ARHGAP44: variants seen among roughly 807,000 people sequenced by gnomAD.
ARHGAP44 encodes the protein rho GTPase-activating protein 44.
A neutral mutation model predicts 106.8 loss-of-function variants in ARHGAP44; 43 were observed. The ratio of observed to expected loss-of-function variants is 0.40; its 90% CI spans 0.32 to 0.52. The LOEUF (loss-of-function observed/expected upper bound fraction) is 0.52, where lower values mean the gene tolerates loss of function less well. Ranked by LOEUF, ARHGAP44 falls within the 20% of genes least tolerant of loss-of-function variation. ARHGAP44 has a pLI of 0.48. For synonymous variants in ARHGAP44, 439 were observed against 410.3 expected, an observed-to-expected ratio of 1.07 and a Z score of -0.85; for missense variants, 866 against 1,050.5, an observed-to-expected ratio of 0.82 and a Z score of 2.43.
At chr17:12,886,692 G>A (rs935489231) in intron 1 of ARHGAP44, among the ~76,000 whole-genome samples, 5 of 151,770 alleles carry the variant, frequency 3.3e-5, no homozygotes, top group Admixed American at 6.6e-5. Context: ...TTTTTTATAG[G>A]TTCCTTGGCA....
At chr17:12,920,129 A>C (rs1412473166) in intron 6 of ARHGAP44, among the ~76,000 whole-genome samples, 1 of 152,164 alleles carries the variant, frequency 6.6e-6, no homozygotes, top group Non-Finnish European at 1.5e-5. Flanking sequence ...GTAACCCAGC[A>C]CTTTGGGAGG....
intron 1 of ARHGAP44, among the ~76,000 whole-genome samples, chr17:12,878,376 G>A (rs961325090): frequency 2.6e-5 from 4 of 152,032 alleles, no homozygotes; most frequent in African/African-American, 9.7e-5. Context: ...ACTCATAAGT[G>A]GAACAGTGCA....
intron 4 of ARHGAP44, among the ~76,000 whole-genome samples, chr17:12,910,260 CT>C (rs71369352): frequency 0.2 from 26,686 of 132,810 alleles, 2,763 homozygotes; most frequent in East Asian, 0.41. Context: ...GGGGAGGAAA[CT>C]TTTTTTTTTT....
At position 12,789,820 on chromosome 17, in the gene ARHGAP44, G is replaced by T; in HGVS notation, c.-19G>T. The T allele has an allele frequency of 1.3e-6, 2 of 1,501,982 alleles. No individual in the cohort carries two copies. Among genetic ancestry groups the T allele is most frequent in the Non-Finnish European group, 1.8e-6 (2 of 1,126,974 alleles). The allele number at this position is 1,501,982 out of a possible 1,614,324, so 93.0% of individuals were successfully genotyped here. ...CCGTCCTTCCCCAGCTCCCGGGCTA[G>T]CGCGGCAGCGGGGCCACGATGAAGA... On this transcript the variant is annotated 5_prime_UTR_variant, in exon 1 of 21. Coordinates refer to ENST00000379672, the MANE Select transcript of ARHGAP44 (RefSeq NM_014859.6).
At chr17:12,904,005 A>T (rs931173233) in intron 3 of ARHGAP44, among the ~76,000 whole-genome samples, 10 of 152,188 alleles carry the variant, frequency 6.6e-5, no homozygotes, top group African/African-American at 2.2e-4. Context: ...GTTACAGTCC[A>T]TTAACTTCTT....
chr17:12,838,870 G>GTA (rs1028090568), intron 1 of ARHGAP44, among the ~76,000 whole-genome samples: 58 of 151,198 alleles, frequency 3.8e-4, no homozygotes, highest in Non-Finnish European at 6.0e-4. Flanking sequence ...GTATATATAT[G>GTA]TATATATATA....
Position 12,849,568 on chromosome 17 carries a change from C to CTTT in ARHGAP44, c.54-45348_54-45346dup, listed in dbSNP as rs776346185. On this transcript the variant is annotated intron_variant, in intron 1 of 20. Transcript: ENST00000379672. Reference sequence around the variant, plus strand: ...CTAGTCTTTCCTTCCTACTTTTGTCCTTTTTTTTTTTTTTTTTTTTTTTTT... The same window carrying CTTT: ...CTAGTCTTTCCTTCCTACTTTTGTCCTTTTTTTTTTTTTTTTTTTTTTTTTTTT... Among the ~76,000 whole-genome samples the CTTT allele has an allele frequency of 8.9e-3, 621 of 69,902 alleles. 88 individuals carry two copies. The highest frequency in any genetic ancestry group is 0.046 in the African/African-American group (518 of 11,274). The allele number at this position is 69,902 out of a possible 152,430, so 45.9% of individuals were successfully genotyped here. A position where few individuals can be genotyped will look rare whatever the true frequency, so the allele number is the denominator to read the frequency against.
intron 1 of ARHGAP44, among the ~76,000 whole-genome samples, chr17:12,816,531 C>G (rs1680989770): frequency 6.6e-6 from 1 of 152,040 alleles, no homozygotes; most frequent in Non-Finnish European, 1.5e-5. Context: ...TTTATGTAAA[C>G]TAAAAAATTA....
chr17:12,867,469 G>A (rs1014617851), intron 1 of ARHGAP44, among the ~76,000 whole-genome samples: 5 of 152,090 alleles, frequency 3.3e-5, no homozygotes, highest in South Asian at 2.1e-4. Context: ...TACAGGAAGC[G>A]GGGCAGGCTT....
chr17:12,895,006 C>G (rs182594602), intron 2 of ARHGAP44, 27 bp downstream of exon 2: 1 of 1,570,712 alleles, frequency 6.4e-7, no homozygotes, highest in Admixed American at 1.9e-5. Context: ...CACTGGCTCA[C>G]AGATACCAGA....
At chr17:12,863,522 T>G (rs947955945) in intron 1 of ARHGAP44, among the ~76,000 whole-genome samples, 6 of 152,188 alleles carry the variant, frequency 3.9e-5, no homozygotes, top group Non-Finnish European at 8.8e-5. Flanking sequence ...GCCAATTTCC[T>G]CCCATTTTAC....
chr17:12,811,677 G>A (rs1464032471), intron 1 of ARHGAP44, among the ~76,000 whole-genome samples: 1 of 152,132 alleles, frequency 6.6e-6, no homozygotes, highest in Admixed American at 6.5e-5. Flanking sequence ...GGTAATTAGT[G>A]TCAGCATTGA....
chr17:12,870,942 G>A (rs1245642633), intron 1 of ARHGAP44, among the ~76,000 whole-genome samples: 2 of 151,864 alleles, frequency 1.3e-5, no homozygotes, highest in Non-Finnish European at 2.9e-5. Flanking sequence ...TCTACTTTTG[G>A]CTTTGGTCAA....
intron 7 of ARHGAP44, among the ~76,000 whole-genome samples, chr17:12,940,721 T>C (rs950321101): frequency 8.5e-5 from 13 of 152,208 alleles, no homozygotes; most frequent in Non-Finnish European, 1.8e-4. Context: ...CAATGTGTGC[T>C]TGGAGCTTGC....
At chr17:12,859,113 C>G (rs1390522636) in intron 1 of ARHGAP44, among the ~76,000 whole-genome samples, 1 of 152,142 alleles carries the variant, frequency 6.6e-6, no homozygotes, top group Non-Finnish European at 1.5e-5. Context: ...TCCAATATGA[C>G]TGTGGATCCT....
At chr17:12,943,918 C>T in intron 9 of ARHGAP44, 151 bp from the exon 10 acceptor site, 1 of 1,206,044 alleles carries the variant, frequency 8.3e-7, no homozygotes, top group Non-Finnish European at 1.1e-6. Context: ...TCCAGTCCTC[C>T]TGTCATCCTT....
Position 12,850,471 on chromosome 17 carries a change from G to A in ARHGAP44, c.54-44469G>A, listed in dbSNP as rs79117037. On this transcript the variant is annotated intron_variant, in intron 1 of 20. Coordinates refer to ENST00000379672, the MANE Select transcript of ARHGAP44 (RefSeq NM_014859.6). Reference sequence around the variant, plus strand: ...TGGGTGCAGTGACCAAGACTGGGTAGTCCCTGAGCCCACATGTCCATGGGC... The same window carrying A: ...TGGGTGCAGTGACCAAGACTGGGTAATCCCTGAGCCCACATGTCCATGGGC... Among the ~76,000 whole-genome samples the A allele has an allele frequency of 3.9e-3, 587 of 151,972 alleles. 16 individuals carry two copies. The East Asian group carries it at 0.056, about 14-fold the overall frequency.
chr17:12,988,944 AAAATT>A (rs1163431915), intron 20 of ARHGAP44: 5 of 150,452 alleles, frequency 3.3e-5, no homozygotes, highest in African/African-American at 9.8e-5. Flanking sequence ...AAAAAAAAAA[AAAATT>A]AGCCGGGCAT....
intron 3 of ARHGAP44, among the ~76,000 whole-genome samples, chr17:12,905,515 T>TCCTC (rs549150379): frequency 2.6e-5 from 4 of 152,274 alleles, no homozygotes; most frequent in Admixed American, 2.6e-4. Context: ...AACCTCATGT[T>TCCTC]CCTCCAGTGG....
Sources: allele counts gnomAD v4.1 joint callset (sites outside exome capture counted in the v4.1 genomes callset), GRCh38; gene constraint gnomAD v4.1.1; transcripts MANE v1.5; gene names NCBI Gene and HGNC (gene_info 2026-07-23, HGNC 2026-07-21).